PCDH11X: variants seen among roughly 807,000 people sequenced by gnomAD.
The protein encoded by PCDH11X is protocadherin-11 X-linked.
PCDH11X carries 18 observed loss-of-function variants against 53.3 expected under a neutral mutation model. The observed-to-expected ratio is 0.34, with a 90% CI of 0.23 to 0.50. PCDH11X has a LOEUF of 0.50. Ranked by LOEUF, PCDH11X falls within the 20% of genes least tolerant of loss-of-function variation. The pLI is 0.98. For synonymous variants in PCDH11X, 279 were observed against 393.3 expected, an observed-to-expected ratio of 0.71 and a Z score of 3.44; for missense variants, 570 against 1,032.4, an observed-to-expected ratio of 0.55 and a Z score of 6.14.
At chrX:91,996,034 G>A (rs759758530) in intron 6 of PCDH11X, among the ~76,000 whole-genome samples, 2 of 106,673 alleles carry the variant, frequency 1.9e-5, no homozygotes, top group Admixed American at 1.0e-4. Context: ...GTAGAGACGG[G>A]GTTTCACCAT....
chrX:92,104,893 G>A (rs1411479399), intron 6 of PCDH11X, among the ~76,000 whole-genome samples: 2 of 110,594 alleles, frequency 1.8e-5, no homozygotes, highest in African/African-American at 6.6e-5. Flanking sequence ...CGATTGGGGG[G>A]TTCTTGCCCC....
chrX:91,838,710 G>C (rs1937392032), intron 5 of PCDH11X, among the ~76,000 whole-genome samples: 1 of 108,758 alleles, frequency 9.2e-6, no homozygotes, highest in Non-Finnish European at 1.9e-5. Context: ...CTGCAGAATA[G>C]GATGAGAATT....
intron 9 of PCDH11X, 162 bp from the exon 10 acceptor site, chrX:92,468,137 C>G: frequency 3.4e-6 from 2 of 595,662 alleles, no homozygotes; most frequent in Non-Finnish European, 4.0e-6. Flanking sequence ...TGCGAAGGAG[C>G]AGCAGTCCTA....
At chrX:92,318,992 G>A (rs1487808452) in intron 8 of PCDH11X, among the ~76,000 whole-genome samples, 1 of 112,008 alleles carries the variant, frequency 8.9e-6, no homozygotes, top group South Asian at 3.7e-4. Flanking sequence ...AATAAAGTAC[G>A]TATTGTTACT....
intron 6 of PCDH11X, among the ~76,000 whole-genome samples, chrX:91,888,829 C>G (rs1043224396): frequency 5.5e-5 from 6 of 109,969 alleles, no homozygotes; most frequent in Admixed American, 2.9e-4. Context: ...ATATTGAACT[C>G]TAAAGAAAAA....
chrX:91,902,061 T>A (rs1192063127), intron 6 of PCDH11X, among the ~76,000 whole-genome samples: 1 of 111,762 alleles, frequency 8.9e-6, no homozygotes, highest in African/African-American at 3.2e-5. Flanking sequence ...TTTCAGCTAC[T>A]GTTGAGACAC....
At chrX:91,922,160 T>C (rs62607766) in intron 6 of PCDH11X, among the ~76,000 whole-genome samples, 1 of 111,324 alleles carries the variant, frequency 9.0e-6, no homozygotes, top group Non-Finnish European at 1.9e-5. Context: ...GGTTTTAAAA[T>C]TATAACTCGG....
At chrX:92,334,687 G>A (rs764350018) in intron 8 of PCDH11X, among the ~76,000 whole-genome samples, 1 of 111,459 alleles carries the variant, frequency 9.0e-6, no homozygotes, top group Admixed American at 9.6e-5. Context: ...GTTGGCAGCT[G>A]CATTGCCCGC....
At chrX:91,875,014 G>C (rs1399722451) in intron 5 of PCDH11X, among the ~76,000 whole-genome samples, 1 of 108,465 alleles carries the variant, frequency 9.2e-6, no homozygotes, top group Non-Finnish European at 1.9e-5. Flanking sequence ...ATGTAGTAGA[G>C]AATTAAAAAT....
At chrX:92,516,131 T>G (rs1196001038) in intron 10 of PCDH11X, among the ~76,000 whole-genome samples, 1 of 111,495 alleles carries the variant, frequency 9.0e-6, no homozygotes, top group African/African-American at 3.3e-5. Flanking sequence ...CTCAGCTGTG[T>G]GAACATAATT....
At chrX:92,336,075 C>T (rs397833596) in intron 8 of PCDH11X, among the ~76,000 whole-genome samples, 5 of 110,594 alleles carry the variant, frequency 4.5e-5, no homozygotes, top group East Asian at 2.8e-4. Context: ...TGTTTGTGCT[C>T]ATTTTATAAA....
At chrX:91,955,873 A>T (rs1450944034) in intron 6 of PCDH11X, among the ~76,000 whole-genome samples, 2 of 110,124 alleles carry the variant, frequency 1.8e-5, no homozygotes, top group African/African-American at 6.7e-5. Context: ...AATGTCCCTC[A>T]CTATTATTGT....
intron 6 of PCDH11X, among the ~76,000 whole-genome samples, chrX:92,152,798 T>TTTAC (rs1750759840): frequency 9.2e-6 from 1 of 109,204 alleles, no homozygotes; most frequent in South Asian, 3.8e-4. Context: ...TATGTATGTA[T>TTTAC]TTATTTATTT....
At chrX:92,198,600 A>G (rs1156360098) in intron 6 of PCDH11X, among the ~76,000 whole-genome samples, 1 of 110,387 alleles carries the variant, frequency 9.1e-6, no homozygotes, top group African/African-American at 3.3e-5. Context: ...AGATTTAGAA[A>G]GTTCAATCAA....
chrX:92,113,676 T>C (rs1193235313), intron 6 of PCDH11X: 5 of 1,199,581 alleles, frequency 4.2e-6, no homozygotes, highest in African/African-American at 3.7e-5. Flanking sequence ...AGTCACATAG[T>C]GTGTCCAGCT....
At position 92,193,558 on chromosome X, in the gene PCDH11X, A is replaced by C. The variant is rs745779308; in HGVS notation, c.3034-7817A>C. ...GACAAAATTTAGTATTTTGAGCATAAATTTGGCCAAACTATTCCTCTATAT... is the reference window on the plus strand; with the variant it reads ...GACAAAATTTAGTATTTTGAGCATACATTTGGCCAAACTATTCCTCTATAT... On this transcript the variant is annotated intron_variant, in intron 6 of 10. Transcript: ENST00000682573. 6.4e-4 allele frequency among the ~76,000 whole-genome samples: 71 copies of C among 111,237 alleles called. 1 individual carries two copies. The highest frequency in any genetic ancestry group is 2.0e-3 in the African/African-American group (63 of 30,753).
At chrX:92,163,967 G>A in intron 6 of PCDH11X, among the ~76,000 whole-genome samples, 1 of 111,446 alleles carries the variant, frequency 9.0e-6, no homozygotes, top group Non-Finnish European at 1.9e-5. Flanking sequence ...AATCTAAAGA[G>A]ACTGTACTTT....
At chrX:91,993,367 G>T (rs2062358047) in intron 6 of PCDH11X, among the ~76,000 whole-genome samples, 1 of 112,187 alleles carries the variant, frequency 8.9e-6, no homozygotes, top group South Asian at 3.7e-4. Flanking sequence ...ATTACCTAGT[G>T]CTTTCAGCAG....
rs557717228 is a variant in PCDH11X at position 92,061,311 on chromosome X, G to T, written c.3034-140064G>T. Among the ~76,000 whole-genome samples the T allele has an allele frequency of 2.4e-4, 27 of 111,704 alleles. No individual in the cohort carries two copies. The South Asian group carries it at 9.9e-3, about 41-fold the overall frequency. On this transcript the variant is annotated intron_variant, in intron 6 of 10. Coordinates refer to ENST00000682573, the MANE Select transcript of PCDH11X (RefSeq NM_032968.5). The stretch of plus-strand genomic sequence containing the variant: ...TTTACTCTGTTGATAGTTTCTTTTT[G>T]CTGTGTAGGAGTTCTTGAGTTTAAT...
Sources: gnomAD v4.1 joint callset for allele counts (sites outside exome capture counted in the v4.1 genomes callset) on GRCh38, gnomAD v4.1.1 for gene constraint, MANE v1.5 for transcripts, NCBI Gene and HGNC (gene_info 2026-07-23, HGNC 2026-07-21) for gene names.